Variants in SLIT2 observed in about 807,000 individuals in gnomAD.
The protein encoded by SLIT2 is slit guidance ligand 2, also known as slit homolog 2 protein.
A neutral mutation model predicts 185.7 loss-of-function variants in SLIT2; 41 were observed. The observed-to-expected ratio is 0.22, with a 90% CI of 0.17 to 0.29. The LOEUF (loss-of-function observed/expected upper bound fraction) is 0.29. Ranked by LOEUF, SLIT2 falls within the 10% of genes least tolerant of loss-of-function variation. The probability of loss-of-function intolerance (pLI) is 1.00; values close to 1 mark genes in which losing one functional copy is unlikely to be tolerated. For synonymous variants in SLIT2, 693 were observed against 680.2 expected (o/e 1.02, Z -0.29); for missense variants, 1,571 against 1,909.0 (o/e 0.82, Z 3.30).
In SLIT2 at chr4:20,317,708, C is replaced by A. The variant is rs540990489; in HGVS notation, c.395+48827C>A. On this transcript the variant is annotated intron_variant, in intron 4 of 36. Transcript: ENST00000504154. ...TGTTCCTGTCAGTAACTGGTGGTTT[C>A]GTGCTTAGTTATCATATGCCAAAAT... is the stretch of plus-strand genomic sequence containing the variant. 7.9e-5 allele frequency among the ~76,000 whole-genome samples: 12 copies of A among 152,040 alleles called. No individual in the cohort carries two copies. In the South Asian group the frequency reaches 2.5e-3, roughly 32 times the overall value.
intron 9 of SLIT2, among the ~76,000 whole-genome samples, chr4:20,495,432 A>C (rs1173428792): frequency 6.6e-6 from 1 of 152,212 alleles, no homozygotes; most frequent in Non-Finnish European, 1.5e-5. Context: ...AAGCTGTTAC[A>C]GGTTGATAAA....
At chr4:20,427,898 A>G (rs1728681385) in intron 4 of SLIT2, among the ~76,000 whole-genome samples, 1 of 152,004 alleles carries the variant, frequency 6.6e-6, no homozygotes, top group Non-Finnish European at 1.5e-5. Flanking sequence ...AAGTCTTCTG[A>G]CCTAAATTAC....
chr4:20,592,780 A>G (rs1011477260), intron 30 of SLIT2, among the ~76,000 whole-genome samples: 3 of 152,136 alleles, frequency 2.0e-5, no homozygotes, highest in African/African-American at 7.2e-5. Context: ...TTGAGAATGT[A>G]TATGGCCACT....
chr4:20,275,720 T>A (rs188943566), intron 4 of SLIT2, among the ~76,000 whole-genome samples: 654 of 152,290 alleles, frequency 4.3e-3, no homozygotes, highest in Non-Finnish European at 7.2e-3. Flanking sequence ...CTTAATGAGA[T>A]CTCTTCATGC....
chr4:20,530,502 T>C (rs566129527), intron 16 of SLIT2, among the ~76,000 whole-genome samples: 116 of 152,172 alleles, frequency 7.6e-4, no homozygotes, highest in Admixed American at 1.5e-3. Context: ...AGGCTGGTCT[T>C]GAACTCCTGA....
At chr4:20,497,937 G>T (rs1299023134) in intron 9 of SLIT2, among the ~76,000 whole-genome samples, 1 of 152,140 alleles carries the variant, frequency 6.6e-6, no homozygotes, top group African/African-American at 2.4e-5. Flanking sequence ...ACTTTTAGAG[G>T]CCGAGGCGGG....
At chr4:20,609,611 T>G (rs1174911516) in intron 33 of SLIT2, among the ~76,000 whole-genome samples, 1 of 152,198 alleles carries the variant, frequency 6.6e-6, no homozygotes, top group Non-Finnish European at 1.5e-5. Flanking sequence ...GTTAGGGTGT[T>G]TTTGGCACAG....
At chr4:20,258,016 T>C in intron 3 of SLIT2, 77 bp downstream of exon 3, 1 of 736,314 alleles carries the variant, frequency 1.4e-6, no homozygotes, top group East Asian at 2.6e-5. Flanking sequence ...GCATCATGTC[T>C]TCAATTTCAT....
intron 4 of SLIT2, among the ~76,000 whole-genome samples, chr4:20,326,676 A>C (rs1420577545): frequency 6.6e-6 from 1 of 150,608 alleles, no homozygotes; most frequent in Non-Finnish European, 1.5e-5. Flanking sequence ...GTCTTCTTGG[A>C]ATTATCTACT....
intron 6 of SLIT2, among the ~76,000 whole-genome samples, chr4:20,481,737 C>T (rs1418913392): frequency 6.6e-6 from 1 of 151,956 alleles, no homozygotes; most frequent in African/African-American, 2.4e-5. Flanking sequence ...AATGGAATAT[C>T]ATTCTGAAAA....
In SLIT2 at chr4:20,399,266, A is replaced by T. The variant is rs528887685; in HGVS notation, c.396-68486A>T. On this transcript the variant is annotated intron_variant, in intron 4 of 36. Coordinates refer to ENST00000504154, the MANE Select transcript of SLIT2 (RefSeq NM_004787.4). ...TTCACAATTATAATTTATATAAGAA[A>T]AATATTTTGTTCAAGTTACAGAAGA... 1.8e-3 allele frequency among the ~76,000 whole-genome samples: 279 copies of T among 151,820 alleles called. 1 individual carries two copies. The highest frequency in any genetic ancestry group is 4.2e-3 in the Admixed American group (64 of 15,170).
chr4:20,569,091 C>T, intron 29 of SLIT2, 87 bp downstream of exon 29: 1 of 1,150,880 alleles, frequency 8.7e-7, no homozygotes, highest in Non-Finnish European at 1.3e-6. Flanking sequence ...TTTAGTAAAT[C>T]TTTTTTTATT....
In SLIT2 at chr4:20,551,360, C is replaced by T. The variant is rs906983847; in HGVS notation, c.2561+462C>T. On this transcript the variant is annotated intron_variant, in intron 25 of 36. Coordinates refer to ENST00000504154, the MANE Select transcript of SLIT2 (RefSeq NM_004787.4). ...ACACAAAAATAAATTCAACATGGTTCGAGACTATAGTTTGGAAGTAAGACA... is the reference window on the plus strand; with the variant it reads ...ACACAAAAATAAATTCAACATGGTTTGAGACTATAGTTTGGAAGTAAGACA... Among the ~76,000 whole-genome samples, 15 of 152,218 alleles carry T rather than the reference C, an allele frequency of 9.9e-5. No homozygotes were observed. In the East Asian group the frequency reaches 1.4e-3, roughly 14 times the overall value.
At chr4:20,340,743 G>A (rs1395555414) in intron 4 of SLIT2, among the ~76,000 whole-genome samples, 2 of 152,024 alleles carry the variant, frequency 1.3e-5, no homozygotes. Context: ...TGGGACTACA[G>A]GTGCCCGCCA....
chr4:20,301,178 G>A, intron 4 of SLIT2, among the ~76,000 whole-genome samples: 1 of 152,138 alleles, frequency 6.6e-6, no homozygotes, highest in African/African-American at 2.4e-5. Context: ...ATATTGAAGA[G>A]CTTTAAAAAT....
intron 4 of SLIT2, among the ~76,000 whole-genome samples, chr4:20,399,891 G>A (rs561764403): frequency 1.1e-4 from 16 of 151,864 alleles, no homozygotes; most frequent in Middle Eastern, 3.4e-3. Context: ...ACAGTAGAGT[G>A]TCTGAGCATT....
chr4:20,472,403 G>GATATATAGATAT (rs1715370341), intron 5 of SLIT2, among the ~76,000 whole-genome samples: 1 of 44,862 alleles, frequency 2.2e-5, no homozygotes, highest in Non-Finnish European at 3.7e-5. Context: ...TATAGATATA[G>GATATATAGATAT]ATATCTATAT....
At chr4:20,262,134 T>G (rs1034228959) in intron 3 of SLIT2, among the ~76,000 whole-genome samples, 2 of 151,868 alleles carry the variant, frequency 1.3e-5, no homozygotes, top group African/African-American at 4.8e-5. Flanking sequence ...CTTTTTAAAT[T>G]AGAAAAGTCT....
At chr4:20,284,087 G>C (rs958621420) in intron 4 of SLIT2, among the ~76,000 whole-genome samples, 4 of 152,188 alleles carry the variant, frequency 2.6e-5, no homozygotes, top group African/African-American at 9.7e-5. Flanking sequence ...CAACCTGCCA[G>C]AATTGGAATC....
Sources: gnomAD v4.1 joint callset for allele counts (sites outside exome capture counted in the v4.1 genomes callset) on GRCh38, gnomAD v4.1.1 for gene constraint, MANE v1.5 for transcripts, NCBI Gene and HGNC (gene_info 2026-07-23, HGNC 2026-07-21) for gene names.